PLPPR1: variants seen among roughly 807,000 people sequenced by gnomAD.
PLPPR1 encodes the protein phospholipid phosphatase-related protein type 1.
A neutral mutation model predicts 33.1 loss-of-function variants in PLPPR1; 10 were observed. The ratio of observed to expected loss-of-function variants is 0.30; its 90% CI spans 0.19 to 0.51. The LOEUF (loss-of-function observed/expected upper bound fraction) is 0.51, where lower values mean the gene tolerates loss of function less well. Among genes scored for constraint, PLPPR1 ranks in the 20% least tolerant of loss-of-function variants. The probability of loss-of-function intolerance (pLI) is 0.97; values close to 1 mark genes in which losing one functional copy is unlikely to be tolerated. For missense variants in PLPPR1, 304 were observed against 408.1 expected (o/e 0.74, Z 2.20); for synonymous variants, 151 against 151.0 (o/e 1.00, Z 0.00).
intron 4 of PLPPR1, among the ~76,000 whole-genome samples, chr9:101,305,498 G>A (rs1236447652): frequency 6.6e-6 from 1 of 152,102 alleles, no homozygotes; most frequent in Non-Finnish European, 1.5e-5. Flanking sequence ...CAGTTTTGAG[G>A]CTCTACCCAA....
chr9:101,290,849 G>A (rs566510297), intron 4 of PLPPR1, among the ~76,000 whole-genome samples: 10 of 152,340 alleles, frequency 6.6e-5, no homozygotes, highest in East Asian at 3.9e-4. Context: ...AGCTCTCAGC[G>A]TGAGTGACGC....
rs933635670 is a variant in PLPPR1, at chr9:101,232,945, A to G, written c.64-36935A>G. On this transcript the variant is annotated intron_variant, in intron 2 of 7. Coordinates refer to ENST00000374874, the MANE Select transcript of PLPPR1 (RefSeq NM_207299.2). The stretch of plus-strand genomic sequence containing the variant: ...TTATCTGACTCCAGCTAAAATAAAT[A>G]TGTGTCTGATCCTACACTGAACAAC... Among the ~76,000 whole-genome samples the G allele has an allele frequency of 9.2e-5, 14 of 152,014 alleles. No individual in the cohort carries two copies. In the South Asian group the frequency reaches 1.4e-3, roughly 16 times the overall value.
chr9:101,234,852 T>G (rs1193339717), intron 2 of PLPPR1, among the ~76,000 whole-genome samples: 2 of 151,950 alleles, frequency 1.3e-5, no homozygotes, highest in Admixed American at 6.6e-5. Context: ...TCAGAGAAAT[T>G]TATTGATGTG....
rs1829204802 is a variant in PLPPR1 at position 101,324,012 on chromosome 9, G to A, written c.946-13G>A. ...CCTATCTCAGATTTTATCTGCTTGTGTTTGCTCCACAGAATCACTCTGCGT... is the reference window on the plus strand; with the variant it reads ...CCTATCTCAGATTTTATCTGCTTGTATTTGCTCCACAGAATCACTCTGCGT... On this transcript the variant is annotated splice_polypyrimidine_tract_variant and intron_variant, in intron 7 of 7. Transcript: ENST00000374874. 14 of 1,611,572 alleles carry A rather than the reference G, an allele frequency of 8.7e-6. No homozygotes were observed. The highest frequency in any genetic ancestry group is 1.7e-5 in the Admixed American group (1 of 59,948).
intron 2 of PLPPR1, among the ~76,000 whole-genome samples, chr9:101,186,708 G>GT (rs1826210176): frequency 6.6e-6 from 1 of 151,766 alleles, no homozygotes; most frequent in Non-Finnish European, 1.5e-5. Flanking sequence ...AGATATATGG[G>GT]TGTTTGGCTG....
At chr9:101,184,278 A>G (rs1826167589) in intron 1 of PLPPR1, among the ~76,000 whole-genome samples, 1 of 151,918 alleles carries the variant, frequency 6.6e-6, no homozygotes, top group South Asian at 2.1e-4. Flanking sequence ...ATAATATTAA[A>G]TTTGATCAGA....
At chr9:101,304,167 T>C (rs779637514) in intron 4 of PLPPR1, among the ~76,000 whole-genome samples, 24 of 152,250 alleles carry the variant, frequency 1.6e-4, no homozygotes, top group Non-Finnish European at 3.2e-4. Flanking sequence ...CCTAGCACTA[T>C]GCCCGACTTT....
chr9:101,181,289 A>T (rs1383874526), intron 1 of PLPPR1, among the ~76,000 whole-genome samples: 1 of 150,664 alleles, frequency 6.6e-6, no homozygotes, highest in Non-Finnish European at 1.5e-5. Flanking sequence ...TAGAATGGCT[A>T]TTATAAAAAA....
rs1827067357 is a variant in PLPPR1, at chr9:101,226,349, T to C, written c.63+40792T>C. ...GAGTGTGCCTTAGTCATTACAGAGA[T>C]ATATGCCAGGGAAAACAGCTGAAGC... On this transcript the variant is annotated intron_variant, in intron 2 of 7. Transcript: ENST00000374874. Among the ~76,000 whole-genome samples the C allele has an allele frequency of 3.3e-5, 5 of 152,140 alleles. No individual in the cohort carries two copies. The South Asian group carries it at 1.0e-3, about 32-fold the overall frequency.
At chr9:101,163,793 G>T (rs73499842) in intron 1 of PLPPR1, among the ~76,000 whole-genome samples, 2,484 of 152,198 alleles carry the variant, frequency 0.016, 68 homozygotes, top group African/African-American at 0.057. Flanking sequence ...AAATCTTTTG[G>T]GGGGGCTAAT....
At chr9:101,265,617 T>C (rs986873378) in intron 2 of PLPPR1, among the ~76,000 whole-genome samples, 1 of 152,262 alleles carries the variant, frequency 6.6e-6, no homozygotes, top group Non-Finnish European at 1.5e-5. Context: ...ATCAGTGCAG[T>C]GAGATGGATC....
chr9:101,109,331 C>G (rs778093537), intron 1 of PLPPR1, among the ~76,000 whole-genome samples: 13 of 151,858 alleles, frequency 8.6e-5, no homozygotes, highest in African/African-American at 3.1e-4. Flanking sequence ...GTTTGGGAAC[C>G]TCTGATCTAC....
chr9:101,098,199 T>C (rs952393537), intron 1 of PLPPR1, among the ~76,000 whole-genome samples: 5 of 152,010 alleles, frequency 3.3e-5, no homozygotes, highest in Non-Finnish European at 5.9e-5. Flanking sequence ...GATGATAAGG[T>C]CTTAAATTAT....
At chr9:101,288,282 G>A (rs558722753) in intron 4 of PLPPR1, among the ~76,000 whole-genome samples, 38 of 152,174 alleles carry the variant, frequency 2.5e-4, no homozygotes, top group Admixed American at 1.4e-3. Context: ...AAAGACCACC[G>A]TTAAAGTAGA....
chr9:101,234,308 G>A (rs1242128419), intron 2 of PLPPR1, among the ~76,000 whole-genome samples: 1 of 151,886 alleles, frequency 6.6e-6, no homozygotes, highest in East Asian at 1.9e-4. Context: ...ACCTTGAAAT[G>A]TTGCAAATAA....
chr9:101,219,481 G>A (rs1826880470), intron 2 of PLPPR1, among the ~76,000 whole-genome samples: 1 of 152,182 alleles, frequency 6.6e-6, no homozygotes, highest in Non-Finnish European at 1.5e-5. Flanking sequence ...ACTAGGCAGT[G>A]TTCTATTTCC....
intron 2 of PLPPR1, among the ~76,000 whole-genome samples, chr9:101,255,874 G>T (rs764562787): frequency 3.9e-5 from 6 of 152,084 alleles, no homozygotes; most frequent in Non-Finnish European, 7.4e-5. Context: ...ATGATTAAAG[G>T]GTCTGAACTT....
intron 1 of PLPPR1, among the ~76,000 whole-genome samples, chr9:101,129,212 A>T (rs1831284930): frequency 6.6e-6 from 1 of 152,130 alleles, no homozygotes; most frequent in Non-Finnish European, 1.5e-5. Context: ...AAGACTGCCT[A>T]TATCAAATGT....
At chr9:101,202,269 A>G (rs544702407) in intron 2 of PLPPR1, among the ~76,000 whole-genome samples, 2 of 152,348 alleles carry the variant, frequency 1.3e-5, no homozygotes, top group Admixed American at 6.5e-5. Context: ...ATGTCATGCT[A>G]TAGAGAATTT....
Sources: allele counts gnomAD v4.1 joint callset (sites outside exome capture counted in the v4.1 genomes callset), GRCh38; gene constraint gnomAD v4.1.1; transcripts MANE v1.5; gene names NCBI Gene and HGNC (gene_info 2026-07-23, HGNC 2026-07-21).